TMEM63B: variants seen among roughly 807,000 people sequenced by gnomAD.
The protein encoded by TMEM63B is mechanosensitive cation channel TMEM63B.
In TMEM63B, 23 loss-of-function variants were observed where a neutral mutation model predicts 102.6. The ratio of observed to expected loss-of-function variants is 0.22; its 90% CI spans 0.16 to 0.32. The LOEUF is 0.32. TMEM63B is among the 10% of genes least tolerant of loss of function. The pLI is 1.00. For synonymous variants in TMEM63B, 444 were observed against 437.0 expected (o/e 1.02, Z -0.20); for missense variants, 628 against 1,095.9 (o/e 0.57, Z 6.03).
intron 3 of TMEM63B, 85 bp downstream of exon 3, chr6:44,135,181 C>T: frequency 6.3e-7 from 1 of 1,584,960 alleles, no homozygotes; most frequent in Non-Finnish European, 8.6e-7. Context: ...CCAGCCCTCT[C>T]TCATTCCCCT....
In TMEM63B at chr6:44,154,403, C is replaced by G. The variant is rs775203454; in HGVS notation, c.2265C>G (p.Ser755Arg). The G allele has an allele frequency of 2.9e-5, 47 of 1,613,950 alleles. No homozygotes were observed. The highest frequency in any genetic ancestry group is 3.8e-5 in the Non-Finnish European group (45 of 1,179,978). ...AGACAGATACTGTGGACCCCAGAAG[C>G]AATGGACGGCCCCCCACTGCTGCTG... ...HTETDTVDPR[S>R]NGRPPTAAAV... Residue 755 changes from serine (S) to arginine (R), a missense_variant, in exon 23 of 24, where the codon AGC (serine) becomes AGG (arginine). Around this residue, in one of 6 missense-constraint regions of TMEM63B, gnomAD observed 129 missense variants for 153.5 expected, o/e 0.84. Coordinates refer to ENST00000323267, the MANE Select transcript of TMEM63B (RefSeq NM_018426.3).
At chr6:44,135,119 C>G in intron 3 of TMEM63B, 23 bp downstream of exon 3, 3 of 1,612,874 alleles carry the variant, frequency 1.9e-6, no homozygotes, top group South Asian at 2.2e-5. Flanking sequence ...GACCCTCCCT[C>G]TAGCTCTCCA....
rs1484098521 is a variant in TMEM63B at position 44,150,395 on chromosome 6, C to T, written c.1607+85C>T. The T allele has an allele frequency of 1.3e-6, 2 of 1,501,898 alleles. No individual in the cohort carries two copies. The highest frequency in any genetic ancestry group is 2.8e-5 in the African/African-American group (2 of 72,568). The allele number at this position is 1,501,898 out of a possible 1,614,324, so 93.0% of individuals were successfully genotyped here. On this transcript the variant is annotated intron_variant, in intron 17 of 23. Transcript: ENST00000323267. This position sits in a 1 kb window ranked among gnomAD's most constrained non-coding sequence, Gnocchi z 4.7. ...GAGCAGTTCAGCCTCCCTACCTCCCCTACAAAGCAAGGGGCCCAAGATGGG... is the reference window on the plus strand; with the variant it reads ...GAGCAGTTCAGCCTCCCTACCTCCCTTACAAAGCAAGGGGCCCAAGATGGG...
chr6:44,139,766 T>A lies in TMEM63B; in HGVS notation c.602+7T>A. The A allele has an allele frequency of 6.2e-7, 1 of 1,614,044 alleles. No individual in the cohort carries two copies. Among genetic ancestry groups the A allele is most frequent in the Non-Finnish European group, 8.5e-7 (1 of 1,180,022 alleles). Reference sequence around the variant, plus strand: ...TTGCCAACTTGAAATCAGGGTAAGATGCGAAGCTGGTCGGCCAGGCCAAGG... The same window carrying A: ...TTGCCAACTTGAAATCAGGGTAAGAAGCGAAGCTGGTCGGCCAGGCCAAGG... On this transcript the variant is annotated splice_region_variant and intron_variant, in intron 8 of 23. Coordinates refer to ENST00000323267, the MANE Select transcript of TMEM63B (RefSeq NM_018426.3).
chr6:44,127,445 C>G (rs1462731405), upstream of TMEM63B: 1 of 151,964 alleles, frequency 6.6e-6, no homozygotes, highest in African/African-American at 2.4e-5. Context: ...AGGCCCAGCC[C>G]GGCGGACGCG....
intron 10 of TMEM63B, among the ~76,000 whole-genome samples, chr6:44,142,794 T>C (rs991576083): frequency 6.6e-6 from 1 of 151,322 alleles, no homozygotes; most frequent in Non-Finnish European, 1.5e-5. Context: ...GAAGATTGCT[T>C]GAGCCCGGGA....
At chr6:44,132,885 G>A (rs745847092) in intron 1 of TMEM63B, among the ~76,000 whole-genome samples, 15 of 152,094 alleles carry the variant, frequency 9.9e-5, no homozygotes, top group Non-Finnish European at 2.1e-4. Context: ...GAAAAGCACC[G>A]TGGTGCCCTG....
intron 1 of TMEM63B, among the ~76,000 whole-genome samples, chr6:44,130,457 T>C (rs532134453): frequency 6.6e-6 from 1 of 152,174 alleles, no homozygotes; most frequent in African/African-American, 2.4e-5. Context: ...TTTTTTTTTT[T>C]AGACACGGTC....
intron 20 of TMEM63B, among the ~76,000 whole-genome samples, 197 bp from the exon 21 acceptor site, chr6:44,153,479 T>C (rs3813502): frequency 0.34 from 51,630 of 151,654 alleles, 9,381 homozygotes; most frequent in East Asian, 0.54. Context: ...ATGAGGAGAG[T>C]AGAATGAGGG....
Position 44,153,841 on chromosome 6 carries a change from C to T in TMEM63B, c.2108C>T (p.Thr703Met), listed in dbSNP as rs1767354336. ...FWLLFFSTMRTGFLAPTSMFT... is the reference protein window; with the variant it reads ...FWLLFFSTMRMGFLAPTSMFT... ...CTGCTCTTCTTTTCCACCATGCGCACGGGTGAGGGATCCCTACCCAGGGAA... is the reference window on the plus strand; with the variant it reads ...CTGCTCTTCTTTTCCACCATGCGCATGGGTGAGGGATCCCTACCCAGGGAA... The change falls in exon 21 of 24, where the codon ACG (threonine) becomes ATG (methionine). Residue 703 changes from threonine to methionine, a missense_variant and splice_region_variant. This residue lies in a region of TMEM63B where 11 missense variants were observed against 23.0 expected (regional missense o/e 0.48). Transcript: ENST00000323267. 8 of 1,612,814 alleles carry T rather than the reference C, an allele frequency of 5.0e-6. No homozygotes were observed. The highest frequency in any genetic ancestry group is 6.8e-6 in the Non-Finnish European group (8 of 1,179,390).
upstream of TMEM63B, chr6:44,126,964 G>C (rs1376741930): frequency 6.6e-6 from 1 of 152,298 alleles, no homozygotes; most frequent in Non-Finnish European, 1.5e-5. Context: ...TGGGAAAGGG[G>C]AGGGGAGCGC....
intron 15 of TMEM63B, 45 bp from the exon 16 acceptor site, chr6:44,149,813 GC>G: frequency 6.6e-7 from 1 of 1,509,834 alleles, no homozygotes; most frequent in Non-Finnish European, 9.0e-7. Context: ...AGCCACCTGG[GC>G]CCCCTAGACT....
At position 44,140,628 on chromosome 6, in the gene TMEM63B, G is replaced by A. The variant is rs1764041782; in HGVS notation, c.711+268G>A. 5.0e-6 allele frequency: 3 copies of A among 594,668 alleles called. 1 individual carries two copies. In the South Asian group the frequency reaches 5.4e-5, roughly 11 times the overall value. The allele number at this position is 594,668 out of a possible 1,614,324, so 36.8% of individuals were successfully genotyped here. On this transcript the variant is annotated intron_variant, in intron 9 of 23. Coordinates refer to ENST00000323267, the MANE Select transcript of TMEM63B (RefSeq NM_018426.3). ...GCCCAGCACTTGGGAAAATAGCAGT[G>A]GCTGATCCTAGGATAGTAATATTCC...
At chr6:44,141,183 T>G in intron 10 of TMEM63B, 85 bp downstream of exon 10, 3 of 1,323,540 alleles carry the variant, frequency 2.3e-6, no homozygotes, top group Non-Finnish European at 3.2e-6. Flanking sequence ...CCTTATACCC[T>G]AGCCTGGAGC....
intron 5 of TMEM63B, 61 bp from the exon 6 acceptor site, chr6:44,138,419 G>A: frequency 6.2e-7 from 1 of 1,607,100 alleles, no homozygotes; most frequent in Non-Finnish European, 8.5e-7. Flanking sequence ...GGACTTGAGG[G>A]AGGAGAGAGG....
At chr6:44,143,378 C>T (rs1764688391) in intron 10 of TMEM63B, among the ~76,000 whole-genome samples, 1 of 152,128 alleles carries the variant, frequency 6.6e-6, no homozygotes, top group Non-Finnish European at 1.5e-5. Flanking sequence ...ATTTGGGGTC[C>T]TATCTGAGGT....
At chr6:44,128,597 G>A (rs2128212984) in intron 1 of TMEM63B, among the ~76,000 whole-genome samples, 1 of 152,384 alleles carries the variant, frequency 6.6e-6, no homozygotes. Context: ...GGGTCCCCTG[G>A]GCAGAGGTCT....
chr6:44,130,918 A>G (rs1484566716), intron 1 of TMEM63B, among the ~76,000 whole-genome samples: 1 of 145,728 alleles, frequency 6.9e-6, no homozygotes, highest in East Asian at 2.1e-4. Flanking sequence ...CACCCTGCCT[A>G]CTACTACTTT....
intron 1 of TMEM63B, among the ~76,000 whole-genome samples, chr6:44,131,090 GT>G (rs1778178555): frequency 6.6e-6 from 1 of 151,622 alleles, no homozygotes; most frequent in African/African-American, 2.4e-5. Flanking sequence ...GCTAATTTTT[GT>G]ATTTTTTTAG....
Sources: allele counts gnomAD v4.1 joint callset (sites outside exome capture counted in the v4.1 genomes callset), GRCh38; gene constraint gnomAD v4.1.1; regional missense constraint gnomAD v4.1.1; non-coding constraint Gnocchi (gnomAD v3.1); transcripts MANE v1.5; gene names NCBI Gene and HGNC (gene_info 2026-07-23, HGNC 2026-07-21).